PHF20: variants seen among roughly 807,000 people sequenced by gnomAD.
PHF20 encodes PHD finger protein 20, also known as glioma-expressed antigen 2.
In PHF20, 23 loss-of-function variants were observed where a neutral mutation model predicts 113.5. That is an observed-to-expected ratio of 0.20 (90% CI 0.15 to 0.29). The LOEUF (loss-of-function observed/expected upper bound fraction) is 0.29. PHF20 is among the 10% of genes least tolerant of loss of function. The probability of loss-of-function intolerance (pLI) is 1.00; values close to 1 mark genes in which losing one functional copy is unlikely to be tolerated. For missense variants in PHF20, 943 were observed against 1,219.6 expected (o/e 0.77, Z 3.38); for synonymous variants, 434 against 457.3 (o/e 0.95, Z 0.65).
chr20:35,919,340 T>A (rs2055467112), intron 13 of PHF20, among the ~76,000 whole-genome samples: 1 of 148,266 alleles, frequency 6.7e-6, no homozygotes. Context: ...ATGGTAATTT[T>A]TTTTTTTTTT....
intron 1 of PHF20, among the ~76,000 whole-genome samples, chr20:35,786,900 T>G (rs1162372176): frequency 2.0e-5 from 3 of 152,148 alleles, no homozygotes; most frequent in African/African-American, 4.8e-5. Context: ...CACGTTTACC[T>G]GTGGATAACA....
intron 5 of PHF20, 73 bp from the exon 6 acceptor site, chr20:35,862,940 G>A: frequency 7.0e-7 from 1 of 1,425,432 alleles, no homozygotes; most frequent in South Asian, 1.4e-5. Context: ...GTCTTCATAA[G>A]TTTGTAAGAA....
chr20:35,848,858 T>TA lies in PHF20; in HGVS notation c.340+1441dup, dbSNP rs11472341. Among the ~76,000 whole-genome samples, 506 of 133,410 alleles carry TA rather than the reference T, an allele frequency of 3.8e-3. 5 individuals are homozygous for TA. Among genetic ancestry groups the TA allele is most frequent in the African/African-American group, 7.0e-3 (250 of 35,942 alleles). 87.5% of individuals were successfully genotyped at this position (133,410 alleles called of 152,430 possible). ...GGCAGCAGAACGAGACTCTGTCTCT[T>TA]AAAAAAAAAAAAAAAAAGTCTTTTC... On this transcript the variant is annotated intron_variant, in intron 4 of 17. Coordinates refer to ENST00000374012, the MANE Select transcript of PHF20 (RefSeq NM_016436.5).
intron 11 of PHF20, 110 bp from the exon 12 acceptor site, chr20:35,913,923 T>G: frequency 1.9e-6 from 2 of 1,066,956 alleles, no homozygotes; most frequent in Non-Finnish European, 2.8e-6. Flanking sequence ...GAATTGTCCC[T>G]GAGCCTTTGT....
Position 35,899,614 on chromosome 20 carries a change from C to G in PHF20, c.1527C>G (p.Thr509=), listed in dbSNP as rs1388160386. The change falls in exon 10 of 18, where the codon ACC becomes ACG. Residue 509 remains threonine, a synonymous_variant. Coordinates refer to ENST00000374012, the MANE Select transcript of PHF20 (RefSeq NM_016436.5). Reference sequence around the variant, plus strand: ...CTTCAGACAAGCCCAGCCAGGAGACCCTGACCAGGAAGCGGGTCTCTGCCA... The same window carrying G: ...CTTCAGACAAGCCCAGCCAGGAGACGCTGACCAGGAAGCGGGTCTCTGCCA... ...PSASDKPSQE[T]LTRKRVSASS... is the part of the protein sequence containing the mutation. 8.1e-6 allele frequency: 13 copies of G among 1,614,158 alleles called. No homozygotes were observed. Among genetic ancestry groups the G allele is most frequent in the Non-Finnish European group, 1.0e-5 (12 of 1,180,026 alleles).
intron 10 of PHF20, among the ~76,000 whole-genome samples, chr20:35,901,594 AAATT>A (rs1204240559): frequency 6.6e-6 from 1 of 152,122 alleles, no homozygotes; most frequent in Non-Finnish European, 1.5e-5. Flanking sequence ...ACTTACCTCC[AAATT>A]AATCTCCTTT....
chr20:35,896,503 T>C lies in PHF20; in HGVS notation c.1283-2867T>C, dbSNP rs2054986914. Among the ~76,000 whole-genome samples, 4 of 152,036 alleles carry C rather than the reference T, an allele frequency of 2.6e-5. No homozygotes were observed. In the South Asian group the frequency reaches 8.3e-4, roughly 31 times the overall value. On this transcript the variant is annotated intron_variant, in intron 9 of 17. Coordinates refer to ENST00000374012, the MANE Select transcript of PHF20 (RefSeq NM_016436.5). ...TAAAGGGAGTCCTCAATAAACTGCATTTCTAACACACAAGAGGTTCTTGTG... is the reference window on the plus strand; with the variant it reads ...TAAAGGGAGTCCTCAATAAACTGCACTTCTAACACACAAGAGGTTCTTGTG...
At chr20:35,882,989 T>C (rs1320171552) in intron 9 of PHF20, among the ~76,000 whole-genome samples, 3 of 150,104 alleles carry the variant, frequency 2.0e-5, no homozygotes, top group South Asian at 2.1e-4. Context: ...GATCACGTTA[T>C]TGCACTCCAG....
chr20:35,917,443 A>G, intron 12 of PHF20, 41 bp from the exon 13 acceptor site: 1 of 1,546,116 alleles, frequency 6.5e-7, no homozygotes, highest in Non-Finnish European at 8.9e-7. Flanking sequence ...TTTTAATTTT[A>G]TAACCTAAAA....
chr20:35,811,392 A>C (rs955739510), intron 2 of PHF20, among the ~76,000 whole-genome samples: 1 of 151,206 alleles, frequency 6.6e-6, no homozygotes, highest in Non-Finnish European at 1.5e-5. Context: ...CTTGCCTCTG[A>C]ATCCTTGAAT....
At chr20:35,839,817 C>T (rs916923348) in intron 2 of PHF20, among the ~76,000 whole-genome samples, 1 of 152,088 alleles carries the variant, frequency 6.6e-6, no homozygotes, top group East Asian at 1.9e-4. Context: ...GTGATGGGGG[C>T]CTGAACTTGA....
At chr20:35,830,744 T>TA (rs1336453675) in intron 2 of PHF20, among the ~76,000 whole-genome samples, 2 of 152,118 alleles carry the variant, frequency 1.3e-5, no homozygotes, top group African/African-American at 4.8e-5. Context: ...TTTTTTTTTT[T>TA]AAGTTCTGGG....
chr20:35,783,583 A>AT (rs760338473), intron 1 of PHF20, among the ~76,000 whole-genome samples: 8,627 of 142,676 alleles, frequency 0.06, 317 homozygotes, highest in African/African-American at 0.12. Context: ...CGCTTGGCTA[A>AT]TTTTTTTTTT....
chr20:35,793,905 G>A (rs1454574675), intron 1 of PHF20, among the ~76,000 whole-genome samples: 1 of 150,576 alleles, frequency 6.6e-6, no homozygotes, highest in African/African-American at 2.5e-5. Context: ...GGGTGAGGCA[G>A]GAGATGCTTG....
chr20:35,865,497 G>GTTTTTTTTT lies in PHF20; in HGVS notation c.808+2114_808+2122dup, dbSNP rs201623482. Among the ~76,000 whole-genome samples the GTTTTTTTTT allele has an allele frequency of 2.0e-4, 19 of 96,610 alleles. 1 individual carries two copies. Among genetic ancestry groups the GTTTTTTTTT allele is most frequent in the South Asian group, 7.0e-4 (2 of 2,856 alleles). 63.4% of individuals were successfully genotyped at this position (96,610 alleles called of 152,430 possible). On this transcript the variant is annotated intron_variant, in intron 6 of 17. Coordinates refer to ENST00000374012, the MANE Select transcript of PHF20 (RefSeq NM_016436.5). ...TATTTAAATTAACTTTTTAAGTTGTGTTTTTTTTTTTTTTTTTTTTTTTTT... is the reference window on the plus strand; with the variant it reads ...TATTTAAATTAACTTTTTAAGTTGTGTTTTTTTTTTTTTTTTTTTTTTTTTTTTTTTTTT...
chr20:35,821,003 A>C (rs1298615130), intron 2 of PHF20, among the ~76,000 whole-genome samples: 1 of 152,076 alleles, frequency 6.6e-6, no homozygotes, highest in Non-Finnish European at 1.5e-5. Context: ...GGGAGGGTAG[A>C]GAGTGAGAGG....
In PHF20 at chr20:35,784,365, C is replaced by T. The variant is rs370041219; in HGVS notation, c.-33+12286C>T. Among the ~76,000 whole-genome samples the T allele has an allele frequency of 3.3e-4, 50 of 150,756 alleles. No homozygotes were observed. In the East Asian group the frequency reaches 9.5e-3, roughly 29 times the overall value. ...CTGCACCCGGCCACATTTTTTTTCC[C>T]CTCATTTTCACACACACAAAACTAA... On this transcript the variant is annotated intron_variant, in intron 1 of 17. Transcript: ENST00000374012.
chr20:35,909,595 G>C (rs969727676), intron 10 of PHF20, among the ~76,000 whole-genome samples: 1 of 152,056 alleles, frequency 6.6e-6, no homozygotes. Context: ...TTGGGCCTTG[G>C]GTTTTTGGTT....
intron 9 of PHF20, among the ~76,000 whole-genome samples, chr20:35,895,975 T>C (rs2054974138): frequency 6.6e-6 from 1 of 152,126 alleles, no homozygotes; most frequent in Admixed American, 6.6e-5. Flanking sequence ...GCGTGAGCCA[T>C]CGCGCCTGGC....
Sources: allele counts gnomAD v4.1 joint callset (sites outside exome capture counted in the v4.1 genomes callset), GRCh38; gene constraint gnomAD v4.1.1; transcripts MANE v1.5; gene names NCBI Gene and HGNC (gene_info 2026-07-23, HGNC 2026-07-21).